The following TBXAS1 variants were observed in gnomAD, a reference collection of about 807,000 sequenced individuals.
TBXAS1 encodes thromboxane A synthase 1, also known as thromboxane-A synthase.
A neutral mutation model predicts 60.7 loss-of-function variants in TBXAS1; 48 were observed. That is an observed-to-expected ratio of 0.79 (90% CI 0.63 to 1.01). The LOEUF is 1.01. Among genes scored for constraint, TBXAS1 ranks in the 50% least tolerant of loss-of-function variants. The pLI is 0.00. For synonymous variants in TBXAS1, 287 were observed against 269.7 expected (o/e 1.06, Z -0.63); for missense variants, 685 against 686.3 (o/e 1.00, Z 0.02).
chr7:139,878,217 GA>G (rs1436829317), intron 3 of TBXAS1, among the ~76,000 whole-genome samples: 392 of 49,132 alleles, frequency 8.0e-3, no homozygotes, highest in African/African-American at 0.029. Context: ...GAAAGAGATA[GA>G]GAGAGATAGA....
intron 1 of TBXAS1, among the ~76,000 whole-genome samples, chr7:139,838,291 C>T (rs903797374): frequency 5.9e-5 from 9 of 152,182 alleles, no homozygotes; most frequent in African/African-American, 2.2e-4. Context: ...ACTGAGGAGC[C>T]CCCTCTCAGC....
chr7:140,005,883 A>T (rs893964612), intron 9 of TBXAS1, among the ~76,000 whole-genome samples: 18 of 152,130 alleles, frequency 1.2e-4, no homozygotes, highest in African/African-American at 4.1e-4. Context: ...CTGACCCGAG[A>T]TGCAGTTCTA....
chr7:140,003,885 C>G (rs948044851), intron 9 of TBXAS1, among the ~76,000 whole-genome samples: 1 of 152,162 alleles, frequency 6.6e-6, no homozygotes, highest in African/African-American at 2.4e-5. Context: ...TGGAAGGGAC[C>G]AAGATGCCAC....
chr7:139,807,447 A>G (rs1406049502), intron 4 of TBXAS1, among the ~76,000 whole-genome samples: 13 of 151,748 alleles, frequency 8.6e-5, no homozygotes, highest in African/African-American at 3.1e-4. Context: ...GTAGTGGCGC[A>G]ATCTCGGCTC....
intron 11 of TBXAS1, chr7:140,016,441 G>C (rs1295543339): frequency 3.5e-6 from 1 of 285,062 alleles, no homozygotes; most frequent in Admixed American, 4.2e-5. Context: ...TGCATGCAAG[G>C]AACAAGGCAA....
At chr7:139,855,680 C>A (rs975835718) in intron 1 of TBXAS1, among the ~76,000 whole-genome samples, 1 of 152,104 alleles carries the variant, frequency 6.6e-6, no homozygotes, top group African/African-American at 2.4e-5. Context: ...ATATCTGGAG[C>A]AAGGGGAAGT....
chr7:139,877,101 G>A (rs1431768369), intron 3 of TBXAS1, among the ~76,000 whole-genome samples: 1 of 152,214 alleles, frequency 6.6e-6, no homozygotes, highest in Non-Finnish European at 1.5e-5. Context: ...AACCCAAGAT[G>A]TGGGCAGGAG....
intron 10 of TBXAS1, among the ~76,000 whole-genome samples, chr7:140,011,316 C>T (rs901295189): frequency 7.4e-6 from 1 of 135,816 alleles, no homozygotes; most frequent in Non-Finnish European, 1.5e-5. Context: ...AAAACAGTCC[C>T]CTAAACAATG....
At chr7:139,913,132 G>C (rs867358737) in intron 4 of TBXAS1, 3 of 702,686 alleles carry the variant, frequency 4.3e-6, no homozygotes, top group East Asian at 2.7e-5. Flanking sequence ...GGAGGGAGGC[G>C]GCTGGCCTGC....
At chr7:139,863,215 G>A (rs969759713) in intron 1 of TBXAS1, among the ~76,000 whole-genome samples, 2 of 152,142 alleles carry the variant, frequency 1.3e-5, no homozygotes, top group Non-Finnish European at 2.9e-5. Context: ...ACTCTTGTAT[G>A]TCAATATACA....
At chr7:139,866,033 G>GA (rs1204074027) in intron 1 of TBXAS1, among the ~76,000 whole-genome samples, 8 of 152,172 alleles carry the variant, frequency 5.3e-5, no homozygotes, top group Non-Finnish European at 1.2e-4. Flanking sequence ...TCTCTAGTAA[G>GA]AAAATAGATG....
intron 5 of TBXAS1, chr7:139,952,796 G>C: frequency 8.5e-7 from 1 of 1,175,232 alleles, no homozygotes; most frequent in Non-Finnish European, 1.1e-6. Context: ...GGTTTTCCCA[G>C]TATTCGAAAG....
At chr7:139,951,607 A>G (rs1415987333) in intron 5 of TBXAS1, among the ~76,000 whole-genome samples, 1 of 144,588 alleles carries the variant, frequency 6.9e-6, no homozygotes, top group Non-Finnish European at 1.5e-5. Flanking sequence ...AAAAAAAAAA[A>G]AAAAAAAAAA....
intron 4 of TBXAS1, among the ~76,000 whole-genome samples, chr7:139,797,013 A>G (rs1797588657): frequency 6.6e-6 from 1 of 152,216 alleles, no homozygotes; most frequent in African/African-American, 2.4e-5. Flanking sequence ...TTGGTAAGAT[A>G]TGCTCTCATG....
At chr7:139,901,789 G>C (rs953616102) in intron 3 of TBXAS1, among the ~76,000 whole-genome samples, 1 of 151,998 alleles carries the variant, frequency 6.6e-6, no homozygotes, top group Non-Finnish European at 1.5e-5. Flanking sequence ...GCATTTCTCA[G>C]AGTATGGAAA....
At chr7:139,817,221 C>A (rs534322657) in intron 4 of TBXAS1, among the ~76,000 whole-genome samples, 7 of 152,210 alleles carry the variant, frequency 4.6e-5, no homozygotes, top group African/African-American at 1.7e-4. Context: ...TCCCAGCCCC[C>A]CATCAGCTGT....
At position 139,896,515 on chromosome 7, in the gene TBXAS1, G is replaced by A. The variant is rs918245341; in HGVS notation, c.237-14710G>A. Among the ~76,000 whole-genome samples the A allele has an allele frequency of 1.3e-5, 2 of 152,184 alleles. No individual in the cohort carries two copies. Among genetic ancestry groups the A allele is most frequent in the African/African-American group, 4.8e-5 (2 of 41,438 alleles). ...AGGGTGCCACAGTGAACTCACAGGGGCTTCCTGGGCTATGGTATTTTACAC... is the reference window on the plus strand; with the variant it reads ...AGGGTGCCACAGTGAACTCACAGGGACTTCCTGGGCTATGGTATTTTACAC... On this transcript the variant is annotated intron_variant, in intron 3 of 12. Coordinates refer to ENST00000448866, the MANE Select transcript of TBXAS1 (RefSeq NM_001061.7). This position sits in a 1 kb window ranked among gnomAD's most constrained non-coding sequence, Gnocchi z 4.0.
chr7:139,796,209 C>T (rs774455843), intron 4 of TBXAS1, among the ~76,000 whole-genome samples: 2 of 152,164 alleles, frequency 1.3e-5, no homozygotes, highest in Non-Finnish European at 2.9e-5. Flanking sequence ...TTGGTATCCT[C>T]ATAGAACTTG....
At position 139,821,722 on chromosome 7, in the gene TBXAS1, C is replaced by T. The variant is rs146695765; in HGVS notation, c.-79-7590C>T. ...TCCACTCTTCTAGCCAGTCCAAACC[C>T]GAGTCTTCTTCCACGTCTCAGCCAT... On this transcript the variant is annotated intron_variant, in intron 4 of 16. Coordinates refer to the TBXAS1 transcript ENST00000336425. 1.3e-3 allele frequency among the ~76,000 whole-genome samples: 204 copies of T among 152,318 alleles called. 2 individuals carry two copies. The highest frequency in any genetic ancestry group is 4.7e-3 in the African/African-American group (197 of 41,554).
Sources: allele counts gnomAD v4.1 joint callset (sites outside exome capture counted in the v4.1 genomes callset), GRCh38; gene constraint gnomAD v4.1.1; non-coding constraint Gnocchi (gnomAD v3.1); transcripts MANE v1.5; gene names NCBI Gene and HGNC (gene_info 2026-07-23, HGNC 2026-07-21).